Variants in LHX3 observed in about 807,000 individuals in gnomAD.
LHX3 encodes the protein LIM/homeobox protein Lhx3.
LHX3 carries 21 observed loss-of-function variants against 32.4 expected under a neutral mutation model. That is an observed-to-expected ratio of 0.65 (90% CI 0.46 to 0.93). The LOEUF is 0.93. LHX3 is among the 40% of genes least tolerant of loss of function. LHX3 has a pLI of 0.00. For missense variants in LHX3, 626 were observed against 560.0 expected, an observed-to-expected ratio of 1.12 and a Z score of -1.19; for synonymous variants, 258 against 246.8, an observed-to-expected ratio of 1.05 and a Z score of -0.43.
rs373829144 is a variant in LHX3 at position 136,197,667 on chromosome 9, G to T, written c.852C>A (p.Gly284=). ...GSLGEPTQAL[G]RPSGALGNFS... ...AGTTGCCCAGGGCTCCCGAGGGCCG[G>T]CCCAAGGCCTGGGTGGGTTCCCCCA... Residue 284 remains glycine, a synonymous_variant, in exon 6 of 6, where the codon GGC becomes GGA. Transcript: ENST00000371748. 1.3e-5 allele frequency: 21 copies of T among 1,603,562 alleles called. No individual in the cohort carries two copies. In the African/African-American group the frequency reaches 2.7e-4, roughly 20 times the overall value.
chr9:136,204,751 C>T (rs1831718170), intron 1 of LHX3, among the ~76,000 whole-genome samples, 183 bp downstream of exon 1: 1 of 152,204 alleles, frequency 6.6e-6, no homozygotes, highest in Admixed American at 6.5e-5. Flanking sequence ...TCTTGCAGGC[C>T]AGCGTCAGGC....
chr9:136,196,250 TTGACTGTAAC>T lies in LHX3; in HGVS notation c.*1065_*1074del, dbSNP rs1319884672. 1 of 152,390 alleles carries T rather than the reference TTGACTGTAAC, an allele frequency of 6.6e-6. No individual in the cohort carries two copies. Among genetic ancestry groups the T allele is most frequent in the African/African-American group, 2.4e-5 (1 of 41,468 alleles). The allele number at this position is 152,390 out of a possible 1,614,324, so 9.4% of individuals were successfully genotyped here. ...GCCTCAAAAAAACGCGGGCCTTCCA[TTGACTGTAAC>T]TGACAAATTTATTGAAGTCTTGGAA... On this transcript the variant is annotated 3_prime_UTR_variant, in exon 6 of 6. Transcript: ENST00000371748.
In LHX3 at chr9:136,199,785, A is replaced by G. The variant is rs1831593315; in HGVS notation, c.347T>C (p.Phe116Ser). 1.2e-6 allele frequency: 2 copies of G among 1,612,846 alleles called. No individual in the cohort carries two copies. Among genetic ancestry groups the G allele is most frequent in the East Asian group, 4.5e-5 (2 of 44,882 alleles). ...AQDFVYHLHC[F>S]ACVVCKRQLA... ...CTGCCGCTTGCACACGACGCAGGCA[A>G]AGCAGTGCAGGTGGTACACGAAGTC... is the stretch of plus-strand genomic sequence containing the variant. The change falls in exon 3 of 6, where the codon TTT (phenylalanine) becomes TCT (serine). Residue 116 changes from phenylalanine to serine, a missense_variant. Transcript: ENST00000371748.
chr9:136,200,487 GCTTCGAGGGC>G, intron 2 of LHX3, 85 bp downstream of exon 2: 3 of 1,366,816 alleles, frequency 2.2e-6, no homozygotes, highest in Non-Finnish European at 3.1e-6. Context: ...AGAGACGCAG[GCTTCGAGGGC>G]CTGGCCTTGG....
chr9:136,201,076 A>T lies in LHX3; in HGVS notation c.80-323T>A, dbSNP rs111914559. 2.0e-5 allele frequency: 26 copies of T among 1,307,580 alleles called. No individual in the cohort carries two copies. The African/African-American group carries it at 3.6e-4, about 18-fold the overall frequency. 81.0% of individuals were successfully genotyped at this position (1,307,580 alleles called of 1,614,324 possible). ...ATGTTGCCAGTGCCAAGAAGGGTGC[A>T]TGTGGAGCTCAAATGAAAACCCCAC... On this transcript the variant is annotated intron_variant, in intron 1 of 5. Transcript: ENST00000371748.
intron 2 of LHX3, 117 bp from the exon 3 acceptor site, chr9:136,199,997 C>T (rs747972452): frequency 1.4e-5 from 16 of 1,125,560 alleles, no homozygotes; most frequent in South Asian, 1.3e-4. Flanking sequence ...AGGCTCTGTC[C>T]GGCCCTGCAG....
chr9:136,202,198 G>A (rs1435885811), intron 1 of LHX3, among the ~76,000 whole-genome samples: 1 of 150,574 alleles, frequency 6.6e-6, no homozygotes, highest in East Asian at 1.9e-4. Context: ...CCCAGGAACC[G>A]TCGAAAAATA....
In LHX3 at chr9:136,197,716, G is replaced by A. The variant is rs368394827; in HGVS notation, c.803C>T (p.Pro268Leu). Reference protein sequence around the residue: ...PDEPSLAEMGPANGLYGSLGE... With the variant: ...PDEPSLAEMGLANGLYGSLGE... ...CAAGCTCCCGTAGAGGCCATTGGCCGGGCCCATTTCCGCCAAGGAAGGCTC... is the reference window on the plus strand; with the variant it reads ...CAAGCTCCCGTAGAGGCCATTGGCCAGGCCCATTTCCGCCAAGGAAGGCTC... Residue 268 changes from proline to leucine, a missense_variant, in exon 6 of 6, where the codon CCG (proline) becomes CTG (leucine). Pro to Leu is a moderately conservative substitution (Grantham distance 98, BLOSUM62 -3). Transcript: ENST00000371748. 139 of 1,604,434 alleles carry A rather than the reference G, an allele frequency of 8.7e-5. No homozygotes were observed. Among genetic ancestry groups the A allele is most frequent in the Middle Eastern group, 1.6e-4 (1 of 6,072 alleles).
At chr9:136,201,524 G>T (rs995089766) in intron 1 of LHX3, 3 of 1,147,734 alleles carry the variant, frequency 2.6e-6, no homozygotes, top group Non-Finnish European at 3.2e-6. Context: ...CTGTGAGCGG[G>T]TTTTCCAGGT....
At chr9:136,202,239 C>G (rs908410479) in intron 1 of LHX3, among the ~76,000 whole-genome samples, 15 of 152,212 alleles carry the variant, frequency 9.9e-5, no homozygotes, top group Non-Finnish European at 1.9e-4. Context: ...CGAGCCCCCA[C>G]AGCCTGGATG....
rs750721396 is a variant in LHX3 at position 136,198,701 on chromosome 9, C to G, written c.726G>C (p.Lys242Asn). The G allele has an allele frequency of 6.2e-7, 1 of 1,611,032 alleles. No homozygotes were observed. The highest frequency in any genetic ancestry group is 8.5e-7 in the Non-Finnish European group (1 of 1,179,714). ...TGTCCTGCCCCTCCTGAACGCTGTC[C>G]TTGTCCGACTTGGAGCCGCCGCGGG... ...KRSRGGSKSDKDSVQEGQDSD... is the reference protein window; with the variant it reads ...KRSRGGSKSDNDSVQEGQDSD... The change falls in exon 5 of 6, where the codon AAG becomes AAC. Residue 242 changes from lysine to asparagine, a missense_variant. By Grantham distance (94) the Lys-to-Asn change is moderately conservative. Coordinates refer to ENST00000371748, the MANE Select transcript of LHX3 (RefSeq NM_178138.6).
At chr9:136,198,597 C>A in intron 5 of LHX3, 55 bp downstream of exon 5, 2 of 1,533,100 alleles carry the variant, frequency 1.3e-6, no homozygotes, top group Non-Finnish European at 1.8e-6. Flanking sequence ...GGGACCCCTG[C>A]GACCCCGCCG....
intron 5 of LHX3, 29 bp from the exon 6 acceptor site, chr9:136,197,772 G>T (rs781156762): frequency 6.3e-7 from 1 of 1,596,836 alleles, no homozygotes; most frequent in South Asian, 1.1e-5. Flanking sequence ...CTCAGTCAGC[G>T]CCTGCCCTCC....
At chr9:136,198,885 G>A (rs1484553030) in intron 4 of LHX3, 23 bp downstream of exon 4, 30 of 1,589,536 alleles carry the variant, frequency 1.9e-5, no homozygotes, top group Non-Finnish European at 2.4e-5. Flanking sequence ...GCGGGCGGGA[G>A]GGAAGCAGGG....
chr9:136,201,206 G>C, intron 1 of LHX3: 5 of 1,325,190 alleles, frequency 3.8e-6, no homozygotes, highest in Non-Finnish European at 4.8e-6. Flanking sequence ...CATGTTAAGC[G>C]TCATGGCCAC....
chr9:136,197,687 C>T lies in LHX3; in HGVS notation c.832G>A (p.Glu278Lys), dbSNP rs1323642986. ...PANGLYGSLG[E>K]PTQALGRPSG... ...GGCCGGCCCAAGGCCTGGGTGGGTTCCCCCAAGCTCCCGTAGAGGCCATTG... is the reference window on the plus strand; with the variant it reads ...GGCCGGCCCAAGGCCTGGGTGGGTTTCCCCAAGCTCCCGTAGAGGCCATTG... Residue 278 changes from glutamate to lysine, a missense_variant, in exon 6 of 6, where the codon GAA becomes AAA. By Grantham distance (56) the Glu-to-Lys change is moderately conservative (BLOSUM62 1). Coordinates refer to ENST00000371748, the MANE Select transcript of LHX3 (RefSeq NM_178138.6). The T allele has an allele frequency of 6.2e-7, 1 of 1,606,564 alleles. No homozygotes were observed. Among genetic ancestry groups the T allele is most frequent in the South Asian group, 1.1e-5 (1 of 90,664 alleles).
At chr9:136,197,951 A>C (rs1050324653) in intron 5 of LHX3, among the ~76,000 whole-genome samples, 2 of 152,148 alleles carry the variant, frequency 1.3e-5, no homozygotes, top group Admixed American at 6.5e-5. Context: ...CAGGTGTCTC[A>C]GGCCTGGTGG....
chr9:136,198,974 G>T lies in LHX3; in HGVS notation c.540C>A (p.Pro180=), dbSNP rs753634858. 20 of 1,592,032 alleles carry T rather than the reference G, an allele frequency of 1.3e-5. No homozygotes were observed. The highest frequency in any genetic ancestry group is 2.3e-5 in the East Asian group (1 of 43,644). Residue 180 remains proline (P), a synonymous_variant, in exon 4 of 6, where the codon CCC becomes CCA. Transcript: ENST00000371748. ...ETLKSAYNTS[P]KPARHVREQL... ...GCTCGCGCACGTGGCGCGCCGGCTT[G>T]GGCGAGGTGTTGTAAGCGCTCTTCA...
chr9:136,205,104 C>A lies in LHX3; in HGVS notation c.-92G>T. On this transcript the variant is annotated 5_prime_UTR_variant, in exon 1 of 6. Coordinates refer to ENST00000371748, the MANE Select transcript of LHX3 (RefSeq NM_178138.6). ...GGCTCCCAAGTCCCGCCGCGTCGTGCGGGGCAGGGAGCCCGGGAGCCACTG... is the reference window on the plus strand; with the variant it reads ...GGCTCCCAAGTCCCGCCGCGTCGTGAGGGGCAGGGAGCCCGGGAGCCACTG... 4 of 1,124,798 alleles carry A rather than the reference C, an allele frequency of 3.6e-6. No homozygotes were observed. The highest frequency in any genetic ancestry group is 3.0e-5 in the South Asian group (2 of 65,770). 69.7% of individuals were successfully genotyped at this position (1,124,798 alleles called of 1,614,324 possible).
Sources: gnomAD v4.1 joint callset for allele counts (sites outside exome capture counted in the v4.1 genomes callset) on GRCh38, gnomAD v4.1.1 for gene constraint, MANE v1.5 for transcripts, NCBI Gene and HGNC (gene_info 2026-07-23, HGNC 2026-07-21) for gene names.